The following RAB12 variants were observed in gnomAD, a reference collection of about 807,000 sequenced individuals.
RAB12 encodes the protein RAB12, member RAS oncogene family.
In RAB12, 11 loss-of-function variants were observed where a neutral mutation model predicts 28.4. The ratio of observed to expected loss-of-function variants is 0.39; its 90% CI spans 0.24 to 0.64. The LOEUF (loss-of-function observed/expected upper bound fraction) is 0.64, where lower values mean the gene tolerates loss of function less well. RAB12 is among the 30% of genes least tolerant of loss of function. RAB12 has a pLI of 0.50. For synonymous variants in RAB12, 138 were observed against 145.3 expected (o/e 0.95, Z 0.36); for missense variants, 276 against 351.1 (o/e 0.79, Z 1.71).
intron 1 of RAB12, among the ~76,000 whole-genome samples, chr18:8,618,573 G>A (rs925841990): frequency 1.3e-5 from 2 of 151,398 alleles, no homozygotes; most frequent in Non-Finnish European, 2.9e-5. Context: ...ACAGTGGCGC[G>A]ATATTGGCTC....
intron 2 of RAB12, among the ~76,000 whole-genome samples, chr18:8,631,533 C>A (rs893770105): frequency 6.6e-6 from 1 of 152,146 alleles, no homozygotes; most frequent in Non-Finnish European, 1.5e-5. Flanking sequence ...AGCCAGGGAG[C>A]CTTTGAGCCA....
intron 1 of RAB12, among the ~76,000 whole-genome samples, chr18:8,612,468 G>T (rs2096004373): frequency 6.6e-6 from 1 of 152,124 alleles, no homozygotes; most frequent in African/African-American, 2.4e-5. Flanking sequence ...TCCATATAGA[G>T]CAAGAGTCTC....
At chr18:8,620,806 T>C (rs1031907034) in intron 1 of RAB12, among the ~76,000 whole-genome samples, 1 of 152,074 alleles carries the variant, frequency 6.6e-6, no homozygotes, top group Non-Finnish European at 1.5e-5. Flanking sequence ...TGATATGGGC[T>C]AGAAGAGAGT....
chr18:8,610,110 C>G, intron 1 of RAB12, 157 bp downstream of exon 1: 1 of 572,166 alleles, frequency 1.7e-6, no homozygotes, highest in South Asian at 2.1e-5. Flanking sequence ...GCCCTGCATC[C>G]CAATCCCAAA....
Position 8,628,133 on chromosome 18 carries a change from T to C in RAB12, c.575+3135T>C, listed in dbSNP as rs562456579. On this transcript the variant is annotated intron_variant, in intron 2 of 5. Transcript: ENST00000649141. ...CGCACCTTATCATTACAGTGAAAAC[T>C]CAAGTTTATGGGGAAAAAGAGGGAA... Among the ~76,000 whole-genome samples, 6 of 152,232 alleles carry C rather than the reference T, an allele frequency of 3.9e-5. No homozygotes were observed. In the South Asian group the frequency reaches 1.2e-3, roughly 32 times the overall value.
At chr18:8,632,149 A>G (rs1332794842) in intron 2 of RAB12, among the ~76,000 whole-genome samples, 2 of 152,022 alleles carry the variant, frequency 1.3e-5, no homozygotes, top group African/African-American at 2.4e-5. Flanking sequence ...ATGGTGGCGC[A>G]TGCCTGTAAT....
At chr18:8,622,659 A>T (rs555350533) in intron 1 of RAB12, among the ~76,000 whole-genome samples, 1 of 152,250 alleles carries the variant, frequency 6.6e-6, no homozygotes, top group Non-Finnish European at 1.5e-5. Flanking sequence ...TGTCATTGAT[A>T]ACATCTTATC....
At chr18:8,620,713 A>G (rs1161339490) in intron 1 of RAB12, among the ~76,000 whole-genome samples, 1 of 152,152 alleles carries the variant, frequency 6.6e-6, no homozygotes, top group Non-Finnish European at 1.5e-5. Context: ...GCAGTGTCCT[A>G]GACTTTAGGG....
At chr18:8,611,571 G>T (rs1341800740) in intron 1 of RAB12, among the ~76,000 whole-genome samples, 1 of 152,136 alleles carries the variant, frequency 6.6e-6, no homozygotes, top group Non-Finnish European at 1.5e-5. Context: ...ACTTGGGAAT[G>T]GATGCTGCGA....
At chr18:8,634,491 A>G (rs1429513114) in intron 3 of RAB12, among the ~76,000 whole-genome samples, 1 of 152,098 alleles carries the variant, frequency 6.6e-6, no homozygotes, top group Non-Finnish European at 1.5e-5. Context: ...AGAAGTGGAC[A>G]GTCCTCATAG....
intron 1 of RAB12, among the ~76,000 whole-genome samples, chr18:8,620,732 A>G (rs941954550): frequency 3.9e-5 from 6 of 152,132 alleles, no homozygotes; most frequent in Non-Finnish European, 7.4e-5. Flanking sequence ...GGGGCTGAAG[A>G]TGACTACATC....
chr18:8,624,765 G>A (rs1418737937), intron 1 of RAB12, among the ~76,000 whole-genome samples, 173 bp from the exon 2 acceptor site: 2 of 152,252 alleles, frequency 1.3e-5, no homozygotes, highest in Non-Finnish European at 2.9e-5. Flanking sequence ...TGAGAGATGG[G>A]AGGTTATAGA....
In RAB12 at chr18:8,622,333, C is replaced by T. The variant is rs567604075; in HGVS notation, c.515-2605C>T. Among the ~76,000 whole-genome samples, 9 of 152,286 alleles carry T rather than the reference C, an allele frequency of 5.9e-5. No homozygotes were observed. The South Asian group carries it at 1.2e-3, about 21-fold the overall frequency. On this transcript the variant is annotated intron_variant, in intron 1 of 5. Transcript: ENST00000649141. ...ATTGGGGAACCTGCCCCGTTAGTCA[C>T]GTAGGTTCTTTTCTATTTTCCCTAA... is the stretch of plus-strand genomic sequence containing the variant.
Position 8,639,184 on chromosome 18 carries a change from T to C in RAB12, c.*922T>C, listed in dbSNP as rs796638812. On this transcript the variant is annotated 3_prime_UTR_variant, in exon 6 of 6. Coordinates refer to ENST00000649141, the MANE Select transcript of RAB12 (RefSeq NM_001025300.3). ...TTTTTTTTTTTTTTTTTTTTTTTTT[T>C]TTTTTTTTGGTCTGATGATGAATTT... 5 of 131,024 alleles carry C rather than the reference T, an allele frequency of 3.8e-5. No homozygotes were observed. Among genetic ancestry groups the C allele is most frequent in the African/African-American group, 1.5e-4 (5 of 34,218 alleles). 8.1% of individuals were successfully genotyped at this position (131,024 alleles called of 1,614,324 possible).
intron 2 of RAB12, among the ~76,000 whole-genome samples, chr18:8,631,077 C>T (rs542375488): frequency 5.0e-4 from 76 of 152,226 alleles, no homozygotes; most frequent in African/African-American, 7.5e-4. Context: ...TTAGTAGAGA[C>T]GGGGGTTTCA....
At chr18:8,636,218 CCA>C in intron 4 of RAB12, 33 bp from the exon 5 acceptor site, 1 of 1,436,174 alleles carries the variant, frequency 7.0e-7, no homozygotes, top group Non-Finnish European at 9.8e-7. Flanking sequence ...CTGTGAGGCC[CCA>C]CACAGAGGAA....
chr18:8,610,628 G>A, intron 1 of RAB12, among the ~76,000 whole-genome samples: 1 of 152,326 alleles, frequency 6.6e-6, no homozygotes, highest in African/African-American at 2.4e-5. Flanking sequence ...CAGGGTCAAG[G>A]AGGAAAACAG....
chr18:8,612,662 T>C (rs1397208572), intron 1 of RAB12, among the ~76,000 whole-genome samples: 2 of 152,160 alleles, frequency 1.3e-5, no homozygotes, highest in Non-Finnish European at 2.9e-5. Context: ...TAAGAGCCTT[T>C]TTATTTTTAT....
chr18:8,633,163 A>T (rs760084458), intron 2 of RAB12, 26 bp from the exon 3 acceptor site: 1 of 1,613,676 alleles, frequency 6.2e-7, no homozygotes, highest in East Asian at 2.2e-5. Flanking sequence ...ATTATTTGGG[A>T]ACTGACTTTG....
Sources: gnomAD v4.1 joint callset for allele counts (sites outside exome capture counted in the v4.1 genomes callset) on GRCh38, gnomAD v4.1.1 for gene constraint, MANE v1.5 for transcripts, NCBI Gene and HGNC (gene_info 2026-07-23, HGNC 2026-07-21) for gene names.